OSBPL9: variants seen among roughly 807,000 people sequenced by gnomAD.
OSBPL9 encodes the protein oxysterol binding protein like 9.
In OSBPL9, 40 loss-of-function variants were observed where a neutral mutation model predicts 106.6. That is an observed-to-expected ratio of 0.38 (90% CI 0.29 to 0.49). The LOEUF is 0.49. OSBPL9 is among the 20% of genes least tolerant of loss of function. The pLI is 0.97. For synonymous variants in OSBPL9, 269 were observed against 295.4 expected (o/e 0.91, Z 0.92); for missense variants, 609 against 887.2 (o/e 0.69, Z 3.98).
intron 3 of OSBPL9, among the ~76,000 whole-genome samples, chr1:51,681,955 A>T (rs763325810): frequency 2.8e-4 from 43 of 152,218 alleles, no homozygotes; most frequent in Non-Finnish European, 4.7e-4. Flanking sequence ...TAATCCCAGC[A>T]CTTTGGGAGG....
At chr1:51,732,695 A>G (rs992921452) in intron 4 of OSBPL9, among the ~76,000 whole-genome samples, 1 of 152,174 alleles carries the variant, frequency 6.6e-6, no homozygotes, top group Non-Finnish European at 1.5e-5. Flanking sequence ...AGACTTTTGC[A>G]AGGCTTTCTG....
Position 51,769,011 on chromosome 1 carries a change from C to G in OSBPL9, c.938+3030C>G, listed in dbSNP as rs183417103. On this transcript the variant is annotated intron_variant, in intron 12 of 23. Coordinates refer to ENST00000428468, the MANE Select transcript of OSBPL9 (RefSeq NM_024586.6). ...CTGCAGATGTTTTATTTGGGCAGCA[C>G]AGTGTTCTGTTGACTTGTTTTTTGT... Among the ~76,000 whole-genome samples the G allele has an allele frequency of 8.5e-5, 13 of 152,312 alleles. No individual in the cohort carries two copies. The East Asian group carries it at 2.5e-3, about 29-fold the overall frequency.
chr1:51,687,764 G>T (rs778636355), intron 3 of OSBPL9, among the ~76,000 whole-genome samples: 4 of 152,198 alleles, frequency 2.6e-5, no homozygotes, highest in Non-Finnish European at 5.9e-5. Context: ...GATCATCAAA[G>T]ATCTCATACA....
At chr1:51,617,754 CG>C (rs2148613591) in intron 1 of OSBPL9, among the ~76,000 whole-genome samples, 1 of 152,276 alleles carries the variant, frequency 6.6e-6, no homozygotes, top group Non-Finnish European at 1.5e-5. Context: ...TCCCTCCAGT[CG>C]GTTCAGGTTG....
At chr1:51,650,090 C>T (rs1369059682) in intron 1 of OSBPL9, among the ~76,000 whole-genome samples, 4 of 151,942 alleles carry the variant, frequency 2.6e-5, no homozygotes, top group East Asian at 1.9e-4. Context: ...TTGCCCAGGC[C>T]GACCTCAAAC....
the OSBPL9 span, among the ~76,000 whole-genome samples, chr1:51,520,514 G>A: frequency 6.6e-6 from 1 of 152,272 alleles, no homozygotes; most frequent in South Asian, 2.1e-4. Flanking sequence ...GAGGACAAGG[G>A]GCTGACTCAC....
chr1:51,602,419 A>ATTTTTT (rs1357173060), intron 2 of OSBPL9, among the ~76,000 whole-genome samples: 3 of 104,660 alleles, frequency 2.9e-5, no homozygotes, highest in African/African-American at 4.1e-5. Context: ...TTTTTTTTTA[A>ATTTTTT]TTTTTTTTTT....
In OSBPL9 at chr1:51,729,751, C is replaced by T. The variant is rs951431017; in HGVS notation, c.318+15672C>T. On this transcript the variant is annotated intron_variant, in intron 4 of 23. Coordinates refer to ENST00000428468, the MANE Select transcript of OSBPL9 (RefSeq NM_024586.6). The surrounding 1 kb of genome is among the most constrained non-coding windows in gnomAD (Gnocchi z 5.1). Reference sequence around the variant, plus strand: ...CGCCAGGGGTCTCTTTGCCAGGAGCCGCCAGGGCCAGCCAATCGGGGCGAC... The same window carrying T: ...CGCCAGGGGTCTCTTTGCCAGGAGCTGCCAGGGCCAGCCAATCGGGGCGAC... 5.3e-6 allele frequency: 6 copies of T among 1,136,304 alleles called. No individual in the cohort carries two copies. The highest frequency in any genetic ancestry group is 8.5e-5 in the Admixed American group (2 of 23,490). The allele number at this position is 1,136,304 out of a possible 1,614,324, so 70.4% of individuals were successfully genotyped here.
chr1:51,595,938 G>A (rs151044477), intron 1 of OSBPL9, among the ~76,000 whole-genome samples: 5 of 152,142 alleles, frequency 3.3e-5, no homozygotes, highest in South Asian at 2.1e-4. Flanking sequence ...CTACACTTTC[G>A]TTTAACTTCA....
the OSBPL9 span, among the ~76,000 whole-genome samples, chr1:51,525,525 A>G: frequency 6.6e-6 from 1 of 152,140 alleles, no homozygotes; most frequent in East Asian, 1.9e-4. Context: ...TGCCTTGTTC[A>G]GGCCTTCATC....
upstream of OSBPL9, among the ~76,000 whole-genome samples, chr1:51,574,388 C>G (rs12087329): frequency 0.16 from 24,148 of 151,806 alleles, 3,723 homozygotes; most frequent in African/African-American, 0.4. Flanking sequence ...AGGAGGCCAA[C>G]GTGGGCAGAT....
At chr1:51,760,486 T>C (rs542830569) in intron 9 of OSBPL9, 7 of 593,052 alleles carry the variant, frequency 1.2e-5, no homozygotes, top group Non-Finnish European at 1.6e-5. Flanking sequence ...GTGACAGAGA[T>C]TCATTCATTG....
chr1:51,785,940 C>G (rs1349872225), intron 21 of OSBPL9, 54 bp downstream of exon 21: 2 of 1,437,752 alleles, frequency 1.4e-6, no homozygotes, highest in Admixed American at 3.6e-5. Context: ...TGTACTCTAT[C>G]CCTTTTTCTG....
intron 1 of OSBPL9, among the ~76,000 whole-genome samples, chr1:51,635,765 A>G (rs1645390993): frequency 6.6e-6 from 1 of 152,102 alleles, no homozygotes; most frequent in African/African-American, 2.4e-5. Flanking sequence ...TTTTAAAAAC[A>G]GTGAAAAACC....
At chr1:51,595,113 G>T (rs1299764135) in intron 1 of OSBPL9, among the ~76,000 whole-genome samples, 2 of 152,174 alleles carry the variant, frequency 1.3e-5, no homozygotes, top group Non-Finnish European at 2.9e-5. Context: ...CGAGGCCTGG[G>T]GGTAGTGAGA....
chr1:51,723,469 G>A (rs1662516515), intron 4 of OSBPL9, among the ~76,000 whole-genome samples: 2 of 151,992 alleles, frequency 1.3e-5, no homozygotes, highest in Non-Finnish European at 2.9e-5. Flanking sequence ...ATCTTTTCAT[G>A]GCTTGATAGC....
At chr1:51,552,966 T>TA in the OSBPL9 span, among the ~76,000 whole-genome samples, 143 of 144,856 alleles carry the variant, frequency 9.9e-4, no homozygotes, top group African/African-American at 1.2e-3. Context: ...CAAAGTTCTT[T>TA]AAAAAAAAAA....
At chr1:51,599,878 AACTCCTCTCTGAAAGCTGTCTGCTTC>A (rs1378826150) in intron 2 of OSBPL9, among the ~76,000 whole-genome samples, 1 of 152,254 alleles carries the variant, frequency 6.6e-6, no homozygotes, top group East Asian at 1.9e-4. Context: ...TCAAGGTGTC[AACTCCTCTCTGAAAGCTGTCTGCTTC>A]CAAGGTGGTG....
intron 2 of OSBPL9, among the ~76,000 whole-genome samples, chr1:51,601,180 G>C (rs564573284): frequency 2.6e-5 from 4 of 152,184 alleles, no homozygotes; most frequent in Non-Finnish European, 5.9e-5. Context: ...TTGCCCTGTA[G>C]CTCCAAATCC....
Sources: allele counts gnomAD v4.1 joint callset (sites outside exome capture counted in the v4.1 genomes callset), GRCh38; gene constraint gnomAD v4.1.1; non-coding constraint Gnocchi (gnomAD v3.1); transcripts MANE v1.5; gene names NCBI Gene and HGNC (gene_info 2026-07-23, HGNC 2026-07-21).